AKAP7: variants seen among roughly 807,000 people sequenced by gnomAD.
AKAP7 encodes the protein A-kinase anchoring protein 7.
AKAP7 carries 39 observed loss-of-function variants against 39.5 expected under a neutral mutation model. The observed-to-expected ratio is 0.99, with a 90% CI of 0.76 to 1.29. AKAP7 has a LOEUF of 1.29. AKAP7 is among the 50% of genes most tolerant of loss of function. AKAP7 has a pLI of 0.00. For missense variants in AKAP7, 414 were observed against 407.7 expected, an observed-to-expected ratio of 1.02 and a Z score of -0.13; for synonymous variants, 140 against 139.1, an observed-to-expected ratio of 1.01 and a Z score of -0.05.
chr6:131,144,510 G>A (rs954507546), intron 1 of AKAP7, among the ~76,000 whole-genome samples: 1 of 152,196 alleles, frequency 6.6e-6, no homozygotes, highest in Non-Finnish European at 1.5e-5. Flanking sequence ...AGTTCGGACA[G>A]CATTTGTGTC....
At chr6:131,148,988 T>C (rs2128229465) in intron 2 of AKAP7, among the ~76,000 whole-genome samples, 1 of 152,334 alleles carries the variant, frequency 6.6e-6, no homozygotes, top group East Asian at 1.9e-4. Context: ...AAATTCTTGC[T>C]AATAGACACC....
chr6:131,156,976 C>T (rs1057017885), intron 2 of AKAP7, among the ~76,000 whole-genome samples: 1 of 151,936 alleles, frequency 6.6e-6, no homozygotes, highest in African/African-American at 2.4e-5. Context: ...GGGGTTTCAC[C>T]GTGTTAGCCA....
At chr6:131,250,386 GGCA>G in intron 7 of AKAP7, 1 of 1,432,610 alleles carries the variant, frequency 7.0e-7, no homozygotes. Context: ...TTTTGCTCAC[GGCA>G]GCAAGTTCCC....
At position 131,184,605 on chromosome 6, in the gene AKAP7, A is replaced by T. The variant is rs7768335; in HGVS notation, c.590-14856A>T. The T allele has an allele frequency of 1.8e-5, 13 of 736,928 alleles. No homozygotes were observed. The African/African-American group carries it at 2.2e-4, about 13-fold the overall frequency. The allele number at this position is 736,928 out of a possible 1,614,324, so 45.6% of individuals were successfully genotyped here. On this transcript the variant is annotated intron_variant, in intron 5 of 7. Transcript: ENST00000431975. ...GGCAAGATGGATGCCCTGAGCAGCC[A>T]CAGTCGAAACAGGACACCACCTCCT...
At chr6:131,257,799 C>T (rs1337577956) in intron 7 of AKAP7, among the ~76,000 whole-genome samples, 1 of 152,164 alleles carries the variant, frequency 6.6e-6, no homozygotes, top group Non-Finnish European at 1.5e-5. Context: ...TGATGAGTGT[C>T]TGAGCCTCTG....
Position 131,281,423 on chromosome 6 carries a change from C to A in AKAP7, c.851-107C>A. The A allele has an allele frequency of 2.3e-6, 2 of 857,224 alleles. No individual in the cohort carries two copies. The highest frequency in any genetic ancestry group is 3.4e-6 in the Non-Finnish European group (2 of 586,478). 53.1% of individuals were successfully genotyped at this position (857,224 alleles called of 1,614,324 possible). A position where few individuals can be genotyped will look rare whatever the true frequency, so the allele number is the denominator to read the frequency against. On this transcript the variant is annotated intron_variant, in intron 7 of 7. Coordinates refer to ENST00000431975, the MANE Select transcript of AKAP7 (RefSeq NM_016377.4). The surrounding 1 kb of genome is among the most constrained non-coding windows in gnomAD (Gnocchi z 4.0). Reference sequence around the variant, plus strand: ...CCCACTGTTCTTGAATTTATAGATCCAATTTACACTTGCTCTTTTTAACCA... The same window carrying A: ...CCCACTGTTCTTGAATTTATAGATCAAATTTACACTTGCTCTTTTTAACCA...
chr6:131,196,499 G>A (rs1238083486), intron 5 of AKAP7, among the ~76,000 whole-genome samples: 7 of 151,994 alleles, frequency 4.6e-5, no homozygotes, highest in Non-Finnish European at 1.0e-4. Context: ...TCTGACCTCA[G>A]GTGATCCTCC....
intron 6 of AKAP7, among the ~76,000 whole-genome samples, chr6:131,200,499 A>AT (rs936605215): frequency 1.9e-4 from 28 of 150,456 alleles, no homozygotes; most frequent in Non-Finnish European, 3.0e-4. Flanking sequence ...AGTAAGTAGA[A>AT]TTTTTTTTTT....
At chr6:131,183,034 T>C (rs2128258622) in intron 5 of AKAP7, among the ~76,000 whole-genome samples, 1 of 152,280 alleles carries the variant, frequency 6.6e-6, no homozygotes, top group Non-Finnish European at 1.5e-5. Context: ...CATGGAAATC[T>C]TAGGATGAAA....
intron 7 of AKAP7, among the ~76,000 whole-genome samples, chr6:131,258,053 A>T (rs1280101582): frequency 6.6e-6 from 1 of 152,174 alleles, no homozygotes. Flanking sequence ...TTCCGAAACA[A>T]ATATTACCAA....
chr6:131,222,894 A>C (rs975770844), intron 7 of AKAP7, among the ~76,000 whole-genome samples: 3 of 152,198 alleles, frequency 2.0e-5, no homozygotes, highest in African/African-American at 7.2e-5. Flanking sequence ...TGATGCAGCA[A>C]ACTTCATTAT....
At chr6:131,149,338 T>C (rs1397800459) in intron 2 of AKAP7, among the ~76,000 whole-genome samples, 1 of 152,214 alleles carries the variant, frequency 6.6e-6, no homozygotes, top group African/African-American at 2.4e-5. Flanking sequence ...GGAAATCTTT[T>C]AGAAATGATG....
At chr6:131,204,903 C>T (rs1807940796) in intron 6 of AKAP7, among the ~76,000 whole-genome samples, 1 of 152,028 alleles carries the variant, frequency 6.6e-6, no homozygotes, top group Admixed American at 6.6e-5. Context: ...AGATGGTGTC[C>T]TCCTTATATT....
intron 5 of AKAP7, among the ~76,000 whole-genome samples, chr6:131,194,533 C>T (rs905644923): frequency 6.6e-6 from 1 of 152,148 alleles, no homozygotes; most frequent in African/African-American, 2.4e-5. Context: ...CTGTAAATAT[C>T]TATTAGGTCC....
intron 5 of AKAP7, among the ~76,000 whole-genome samples, chr6:131,191,681 G>A (rs1205084207): frequency 6.6e-6 from 1 of 152,126 alleles, no homozygotes; most frequent in Non-Finnish European, 1.5e-5. Flanking sequence ...ACCAGTCCAA[G>A]GCCAGTGGGA....
chr6:131,248,703 A>C (rs1254398607), intron 7 of AKAP7, among the ~76,000 whole-genome samples: 1 of 152,218 alleles, frequency 6.6e-6, no homozygotes, highest in Admixed American at 6.5e-5. Flanking sequence ...TCCAGTGTTC[A>C]AAATTTGCTG....
At chr6:131,169,900 A>G (rs549658361) in intron 5 of AKAP7, among the ~76,000 whole-genome samples, 1 of 151,718 alleles carries the variant, frequency 6.6e-6, no homozygotes, top group East Asian at 1.9e-4. Context: ...CACTTGCATT[A>G]TTGGTCTATG....
chr6:131,187,164 T>C (rs561604126), intron 5 of AKAP7, among the ~76,000 whole-genome samples: 2 of 152,272 alleles, frequency 1.3e-5, no homozygotes, highest in South Asian at 2.1e-4. Flanking sequence ...GAAAATACCA[T>C]TGGGATTTTG....
At chr6:131,199,408 A>C in intron 5 of AKAP7, 53 bp from the exon 6 acceptor site, 1 of 1,247,954 alleles carries the variant, frequency 8.0e-7, no homozygotes, top group Non-Finnish European at 1.1e-6. Context: ...TACAGTTAAA[A>C]AGAACTGAAA....
Sources: allele counts gnomAD v4.1 joint callset (sites outside exome capture counted in the v4.1 genomes callset), GRCh38; gene constraint gnomAD v4.1.1; non-coding constraint Gnocchi (gnomAD v3.1); transcripts MANE v1.5; gene names NCBI Gene and HGNC (gene_info 2026-07-23, HGNC 2026-07-21).